The following COG7 variants were observed in gnomAD, a reference collection of about 807,000 sequenced individuals.
COG7 encodes conserved oligomeric Golgi complex subunit 7.
Under a neutral mutation model 91.5 loss-of-function variants are expected in COG7, and 49 were observed. That is an observed-to-expected ratio of 0.54 (90% confidence interval 0.43 to 0.68). The LOEUF is 0.68. Among genes scored for constraint, COG7 ranks in the 30% least tolerant of loss-of-function variants. COG7 has a pLI of 0.00. For missense variants in COG7, 895 were observed against 961.3 expected, an observed-to-expected ratio of 0.93 and a Z score of 0.91; for synonymous variants, 365 against 388.7, an observed-to-expected ratio of 0.94 and a Z score of 0.72.
rs1442145133 is a variant in COG7 at position 23,444,974 on chromosome 16, T to A, written c.435+74A>T. ...GCTGCTATTGGCTATCAACTTTGTA[T>A]CTCTTTTGCTTTCTCCAAACCTCAA... On this transcript the variant is annotated intron_variant, in intron 3 of 16. Coordinates refer to ENST00000307149, the MANE Select transcript of COG7 (RefSeq NM_153603.4). The A allele has an allele frequency of 3.9e-5, 43 of 1,093,012 alleles. No homozygotes were observed. The East Asian group carries it at 9.9e-4, about 25-fold the overall frequency. The allele number at this position is 1,093,012 out of a possible 1,614,324, so 67.7% of individuals were successfully genotyped here.
rs928677071 is a variant in COG7 at position 23,413,365 on chromosome 16, C to G, written c.1409+83G>C. The G allele has an allele frequency of 1.3e-5, 11 of 835,508 alleles. No individual in the cohort carries two copies. The Admixed American group carries it at 1.7e-4, about 13-fold the overall frequency. The allele number at this position is 835,508 out of a possible 1,614,324, so 51.8% of individuals were successfully genotyped here. ...AAAAAAAACGAACCCCTTCCAAACACATTTGTCATTTTTATATACTATATC... is the reference window on the plus strand; with the variant it reads ...AAAAAAAACGAACCCCTTCCAAACAGATTTGTCATTTTTATATACTATATC... On this transcript the variant is annotated intron_variant, in intron 10 of 16. Coordinates refer to ENST00000307149, the MANE Select transcript of COG7 (RefSeq NM_153603.4).
chr16:23,403,529 T>C (rs1004851929), intron 13 of COG7, among the ~76,000 whole-genome samples, 165 bp downstream of exon 13: 2 of 152,220 alleles, frequency 1.3e-5, no homozygotes, highest in African/African-American at 2.4e-5. Flanking sequence ...AAGAAATTCA[T>C]GCTAAGCAAT....
In COG7 at chr16:23,442,621, G is replaced by C. The variant is rs1483122592; in HGVS notation, c.460C>G (p.Leu154Val). Residue 154 changes from leucine to valine, a missense_variant, in exon 4 of 17, where the codon CTA becomes GTA. Leu to Val is a conservative substitution (Grantham distance 32, BLOSUM62 1). Coordinates refer to ENST00000307149, the MANE Select transcript of COG7 (RefSeq NM_153603.4). The part of the protein sequence containing the change: ...TQDIAVISAK[L>V]TGMQNSLMML... ...ATTAAGCTGTTCTGCATACCTGTTA[G>C]CTTGGCAGAAATCACAGCTATGTCC... The C allele has an allele frequency of 1.9e-6, 3 of 1,613,996 alleles. No individual in the cohort carries two copies. The highest frequency in any genetic ancestry group is 1.7e-5 in the Admixed American group (1 of 60,002).
chr16:23,447,589 C>T (rs937891666), intron 1 of COG7, among the ~76,000 whole-genome samples: 7 of 150,922 alleles, frequency 4.6e-5, no homozygotes, highest in African/African-American at 7.3e-5. Context: ...GACCCTGTTT[C>T]TTAAAAATAA....
intron 5 of COG7, 75 bp downstream of exon 5, chr16:23,434,561 T>C (rs1015034136): frequency 3.6e-6 from 4 of 1,123,128 alleles, no homozygotes; most frequent in Non-Finnish European, 5.4e-6. Context: ...TTCTGAATTA[T>C]GAACCTGCGA....
Position 23,417,111 on chromosome 16 carries a change from T to G in COG7, c.1148A>C (p.Glu383Ala). The G allele has an allele frequency of 1.9e-6, 3 of 1,614,176 alleles. No homozygotes were observed. The highest frequency in any genetic ancestry group is 2.5e-6 in the Non-Finnish European group (3 of 1,180,026). The change falls in exon 9 of 17, where the codon GAA (glutamate) becomes GCA (alanine). Residue 383 changes from glutamate (E) to alanine (A), a missense_variant. Coordinates refer to ENST00000307149, the MANE Select transcript of COG7 (RefSeq NM_153603.4). ...CAGCTCCTGCACACAGTCAATCACT[T>G]CCCCATGCTCCTGGTCAGCAAATAC... ...QMSAVPLEHG[E>A]VIDCVQELSH...
chr16:23,447,508 G>C (rs577637675), intron 1 of COG7, among the ~76,000 whole-genome samples: 1 of 151,958 alleles, frequency 6.6e-6, no homozygotes, highest in Non-Finnish European at 1.5e-5. Flanking sequence ...ACCGCACCTG[G>C]CCTTAAAATC....
At chr16:23,442,333 C>CAAAA (rs57747474) in intron 4 of COG7, 144 bp downstream of exon 4, 41 of 549,886 alleles carry the variant, frequency 7.5e-5, no homozygotes, top group East Asian at 1.0e-4. Context: ...GACTCCGTCT[C>CAAAA]AAAAAAAAAA....
At chr16:23,416,467 A>C (rs1324854631) in intron 9 of COG7, 1 of 191,128 alleles carries the variant, frequency 5.2e-6, no homozygotes, top group Non-Finnish European at 1.1e-5. Context: ...TCTGGGTCCA[A>C]GGAGCCTCCA....
intron 4 of COG7, among the ~76,000 whole-genome samples, chr16:23,437,398 T>C (rs775784603): frequency 2.5e-4 from 38 of 152,232 alleles, no homozygotes; most frequent in Middle Eastern, 3.4e-3. Flanking sequence ...GTGAGCTCTG[T>C]AGTAGCCACA....
At chr16:23,419,177 G>A (rs915964167) in intron 7 of COG7, among the ~76,000 whole-genome samples, 9 of 152,074 alleles carry the variant, frequency 5.9e-5, no homozygotes, top group Non-Finnish European at 1.3e-4. Flanking sequence ...AGGCCGAGGC[G>A]GGCGGATCAA....
chr16:23,388,659 C>A lies in COG7; in HGVS notation c.*261G>T, dbSNP rs551239900. On this transcript the variant is annotated 3_prime_UTR_variant, in exon 17 of 17. Coordinates refer to ENST00000307149, the MANE Select transcript of COG7 (RefSeq NM_153603.4). ...TTTTTTTTTGAGACAGAGTCTCGCTCTGCTGTTAATTTTTGTATTTTTAGT... is the reference window on the plus strand; with the variant it reads ...TTTTTTTTTGAGACAGAGTCTCGCTATGCTGTTAATTTTTGTATTTTTAGT... The A allele has an allele frequency of 4.2e-5, 9 of 213,948 alleles. No homozygotes were observed. Among genetic ancestry groups the A allele is most frequent in the Admixed American group, 1.2e-4 (2 of 16,304 alleles). 13.3% of individuals were successfully genotyped at this position (213,948 alleles called of 1,614,324 possible). A position where few individuals can be genotyped will look rare whatever the true frequency, so the allele number is the denominator to read the frequency against.
At chr16:23,437,238 G>A (rs1401509879) in intron 4 of COG7, among the ~76,000 whole-genome samples, 1 of 152,090 alleles carries the variant, frequency 6.6e-6, no homozygotes, top group African/African-American at 2.4e-5. Flanking sequence ...TGAACCACCA[G>A]GCATCACTCA....
At chr16:23,419,411 CAA>C (rs762261311) in intron 7 of COG7, among the ~76,000 whole-genome samples, 19 of 113,780 alleles carry the variant, frequency 1.7e-4, no homozygotes, top group South Asian at 2.9e-4. Context: ...GACTCCATCT[CAA>C]AAAAAAAAAA....
At chr16:23,427,933 T>C (rs1425598568) in intron 6 of COG7, among the ~76,000 whole-genome samples, 2 of 152,094 alleles carry the variant, frequency 1.3e-5, no homozygotes, top group African/African-American at 2.4e-5. Flanking sequence ...TCCCAGCACT[T>C]TGGGAGGCCG....
At chr16:23,394,479 A>G (rs556220339) in intron 14 of COG7, among the ~76,000 whole-genome samples, 7 of 151,816 alleles carry the variant, frequency 4.6e-5, no homozygotes, top group African/African-American at 1.7e-4. Context: ...ATGATAATAT[A>G]TGTTTTTAAA....
intron 11 of COG7, among the ~76,000 whole-genome samples, chr16:23,409,064 C>CGTGTGTGTGTGTGT (rs139188327): frequency 2.1e-5 from 3 of 141,404 alleles, no homozygotes; most frequent in South Asian, 2.3e-4. Flanking sequence ...AGTGTGCATG[C>CGTGTGTGTGTGTGT]GTGTGTGTGT....
chr16:23,426,818 C>CCA (rs1268593324), intron 6 of COG7, among the ~76,000 whole-genome samples: 2 of 60,354 alleles, frequency 3.3e-5, no homozygotes, highest in Admixed American at 1.7e-4. Flanking sequence ...AGCAATTGGA[C>CCA]AAAAAAAAAA....
chr16:23,447,460 C>T (rs2142097475), intron 1 of COG7, among the ~76,000 whole-genome samples: 1 of 152,130 alleles, frequency 6.6e-6, no homozygotes, highest in Admixed American at 6.5e-5. Context: ...ATCCACCCAC[C>T]TCAGCCTCCC....
Sources: allele counts gnomAD v4.1 joint callset (sites outside exome capture counted in the v4.1 genomes callset), GRCh38; gene constraint gnomAD v4.1.1; transcripts MANE v1.5; gene names NCBI Gene and HGNC (gene_info 2026-07-23, HGNC 2026-07-21).